LRRTM4: variants seen among roughly 807,000 people sequenced by gnomAD.
The protein encoded by LRRTM4 is leucine-rich repeat transmembrane neuronal protein 4.
A neutral mutation model predicts 47.6 loss-of-function variants in LRRTM4; 25 were observed. The ratio of observed to expected loss-of-function variants is 0.53; its 90% CI spans 0.38 to 0.73. LRRTM4 has a LOEUF of 0.73. Among genes scored for constraint, LRRTM4 ranks in the 30% least tolerant of loss-of-function variants. The pLI, the probability that LRRTM4 is intolerant of heterozygous loss-of-function variation, is 0.00. For missense variants in LRRTM4, 638 were observed against 713.4 expected (o/e 0.89, Z 1.20); for synonymous variants, 311 against 269.5 (o/e 1.15, Z -1.51).
At chr2:76,804,514 G>C (rs1475482949) in intron 3 of LRRTM4, among the ~76,000 whole-genome samples, 1 of 151,570 alleles carries the variant, frequency 6.6e-6, no homozygotes, top group Non-Finnish European at 1.5e-5. Context: ...GATTTTTGGT[G>C]TATCTATTTT....
chr2:77,134,794 T>C lies in LRRTM4; in HGVS notation c.1551+383524A>G, dbSNP rs573214571. 1.1e-4 allele frequency among the ~76,000 whole-genome samples: 16 copies of C among 152,262 alleles called. No individual in the cohort carries two copies. In the East Asian group the frequency reaches 1.4e-3, roughly 13 times the overall value. ...TTCATGTGCAAAAAAAGGGGGGATATCTTTTTTCATCATTTAAGTAGCCAA... is the reference window on the plus strand; with the variant it reads ...TTCATGTGCAAAAAAAGGGGGGATACCTTTTTTCATCATTTAAGTAGCCAA... On this transcript the variant is annotated intron_variant, in intron 3 of 3. Transcript: ENST00000409884.
At chr2:76,935,912 C>T (rs1573336202) in intron 3 of LRRTM4, among the ~76,000 whole-genome samples, 1 of 152,122 alleles carries the variant, frequency 6.6e-6, no homozygotes, top group East Asian at 1.9e-4. Context: ...GCATTCTTTT[C>T]TTGTGCCAGT....
At chr2:76,959,741 G>C (rs143638675) in intron 3 of LRRTM4, among the ~76,000 whole-genome samples, 100 of 151,780 alleles carry the variant, frequency 6.6e-4, no homozygotes, top group African/African-American at 2.3e-3. Context: ...AACTTGATAG[G>C]CTGTGGGGTG....
At chr2:76,916,137 G>C (rs993750033) in intron 3 of LRRTM4, among the ~76,000 whole-genome samples, 2 of 151,942 alleles carry the variant, frequency 1.3e-5, no homozygotes, top group Admixed American at 1.3e-4. Flanking sequence ...ATAAATTCCA[G>C]AGGAAAGAAA....
At chr2:77,278,423 C>G (rs1055589419) in intron 3 of LRRTM4, among the ~76,000 whole-genome samples, 6 of 151,842 alleles carry the variant, frequency 4.0e-5, no homozygotes, top group Non-Finnish European at 8.8e-5. Flanking sequence ...ATACTTATGT[C>G]CGTGAATGTT....
intron 3 of LRRTM4, among the ~76,000 whole-genome samples, chr2:77,441,479 G>T (rs1349713250): frequency 1.3e-5 from 2 of 152,108 alleles, no homozygotes; most frequent in Admixed American, 6.5e-5. Flanking sequence ...ATTTACAGAA[G>T]AGGACTTAAA....
At chr2:77,414,638 T>C (rs1674569856) in intron 3 of LRRTM4, among the ~76,000 whole-genome samples, 1 of 152,222 alleles carries the variant, frequency 6.6e-6, no homozygotes, top group African/African-American at 2.4e-5. Context: ...TTTCTCATAG[T>C]GATGGAGGAT....
At chr2:76,834,796 T>C (rs1424481180) in intron 3 of LRRTM4, among the ~76,000 whole-genome samples, 1 of 152,036 alleles carries the variant, frequency 6.6e-6, no homozygotes, top group East Asian at 1.9e-4. Context: ...ATTCACTCAA[T>C]GAAAATAGAA....
Position 77,092,219 on chromosome 2 carries a change from G to C in LRRTM4, c.1552-343303C>G, listed in dbSNP as rs1320332089. 2.0e-5 allele frequency among the ~76,000 whole-genome samples: 3 copies of C among 152,060 alleles called. No individual in the cohort carries two copies. The East Asian group carries it at 5.8e-4, about 29-fold the overall frequency. On this transcript the variant is annotated intron_variant, in intron 3 of 3. Coordinates refer to ENST00000409884, the MANE Select transcript of LRRTM4 (RefSeq NM_001134745.3). ...CACAATTACTGTTGTTCCTGACCCA[G>C]ACTTCAATCCGGCCTCCCACATTAT...
chr2:77,245,295 C>G (rs1019679244), intron 3 of LRRTM4, among the ~76,000 whole-genome samples: 1 of 151,936 alleles, frequency 6.6e-6, no homozygotes, highest in Admixed American at 6.6e-5. Flanking sequence ...GCCTGTAATC[C>G]TAGCACTTTG....
intron 3 of LRRTM4, among the ~76,000 whole-genome samples, chr2:76,896,688 T>A (rs1673428395): frequency 6.6e-6 from 1 of 151,656 alleles, no homozygotes; most frequent in Non-Finnish European, 1.5e-5. Flanking sequence ...TGTTATCTAA[T>A]TAAATACTTA....
intron 3 of LRRTM4, among the ~76,000 whole-genome samples, chr2:77,368,509 G>A (rs1387852912): frequency 6.6e-6 from 1 of 151,778 alleles, no homozygotes; most frequent in African/African-American, 2.4e-5. Flanking sequence ...ATGAGGGATA[G>A]TTCAATATTC....
intron 3 of LRRTM4, among the ~76,000 whole-genome samples, chr2:77,138,711 T>C (rs1365210306): frequency 6.6e-6 from 1 of 151,800 alleles, no homozygotes; most frequent in Non-Finnish European, 1.5e-5. Context: ...ATCAACAAAA[T>C]TGATAGACCA....
chr2:76,892,473 A>T (rs1330277812), intron 3 of LRRTM4, among the ~76,000 whole-genome samples: 2 of 151,814 alleles, frequency 1.3e-5, no homozygotes, highest in East Asian at 3.9e-4. Context: ...AGATTTTGGG[A>T]AGAACAAATA....
intron 3 of LRRTM4, among the ~76,000 whole-genome samples, chr2:77,142,103 G>T (rs1342497684): frequency 6.6e-6 from 1 of 152,168 alleles, no homozygotes; most frequent in East Asian, 1.9e-4. Flanking sequence ...TTCACTAACA[G>T]CTGTAGGTTT....
intron 3 of LRRTM4, among the ~76,000 whole-genome samples, chr2:76,803,055 A>AT (rs1297973760): frequency 1.3e-5 from 2 of 152,230 alleles, no homozygotes; most frequent in African/African-American, 2.4e-5. Flanking sequence ...ATTTATTTTT[A>AT]TTTTTTGCAT....
intron 3 of LRRTM4, among the ~76,000 whole-genome samples, chr2:76,795,163 T>G (rs534651002): frequency 3.3e-5 from 5 of 151,936 alleles, no homozygotes; most frequent in African/African-American, 1.2e-4. Flanking sequence ...GAATAGGCAA[T>G]GATCAGCAAA....
chr2:76,751,178 A>G (rs1672837464), intron 3 of LRRTM4, among the ~76,000 whole-genome samples: 1 of 152,206 alleles, frequency 6.6e-6, no homozygotes, highest in African/African-American at 2.4e-5. Flanking sequence ...GTGACTGGCA[A>G]TAGCCTAGAT....
chr2:76,835,691 G>T (rs1471527341), intron 3 of LRRTM4, among the ~76,000 whole-genome samples: 1 of 152,016 alleles, frequency 6.6e-6, no homozygotes, highest in Non-Finnish European at 1.5e-5. Context: ...TTGACTATTT[G>T]CACATTTATT....
Sources: gnomAD v4.1 joint callset for allele counts (sites outside exome capture counted in the v4.1 genomes callset) on GRCh38, gnomAD v4.1.1 for gene constraint, MANE v1.5 for transcripts, NCBI Gene and HGNC (gene_info 2026-07-23, HGNC 2026-07-21) for gene names.